GBE1: variants seen among roughly 807,000 people sequenced by gnomAD.
GBE1 encodes 1,4-alpha-glucan branching enzyme 1.
GBE1 carries 70 observed loss-of-function variants against 88.8 expected under a neutral mutation model. That is an observed-to-expected ratio of 0.79 (90% CI 0.65 to 0.96). The LOEUF is 0.96. Among genes scored for constraint, GBE1 ranks in the 40% least tolerant of loss-of-function variants. GBE1 has a pLI of 0.00. For missense variants in GBE1, 872 were observed against 871.0 expected (o/e 1.00, Z -0.01); for synonymous variants, 284 against 300.1 (o/e 0.95, Z 0.56).
At chr3:81,642,115 A>G (rs1313766206) in intron 7 of GBE1, among the ~76,000 whole-genome samples, 3 of 151,886 alleles carry the variant, frequency 2.0e-5, no homozygotes, top group Non-Finnish European at 4.4e-5. Flanking sequence ...ATCACGTAAA[A>G]CACTCTTCTC....
intron 12 of GBE1, among the ~76,000 whole-genome samples, chr3:81,575,935 C>T (rs993937228): frequency 6.6e-6 from 1 of 152,214 alleles, no homozygotes; most frequent in Non-Finnish European, 1.5e-5. Context: ...GTATAAGGTT[C>T]CTCATCAGCC....
chr3:81,634,526 G>A (rs1444808297), intron 7 of GBE1, among the ~76,000 whole-genome samples: 14 of 152,052 alleles, frequency 9.2e-5, no homozygotes, highest in Admixed American at 8.5e-4. Context: ...CAGTACTAAC[G>A]AACAGGAATC....
intron 1 of GBE1, among the ~76,000 whole-genome samples, chr3:81,741,009 A>G (rs747857805): frequency 1.3e-5 from 2 of 152,206 alleles, no homozygotes; most frequent in African/African-American, 2.4e-5. Context: ...AACATAAGTC[A>G]TACAGCACCA....
intron 12 of GBE1, among the ~76,000 whole-genome samples, chr3:81,563,336 A>C (rs910956366): frequency 6.6e-6 from 1 of 152,184 alleles, no homozygotes; most frequent in Non-Finnish European, 1.5e-5. Flanking sequence ...AGATGATTTA[A>C]GAATTAACAA....
At chr3:81,585,957 T>TAAAAAG in intron 10 of GBE1, 135 bp downstream of exon 10, 1 of 538,442 alleles carries the variant, frequency 1.9e-6, no homozygotes, top group South Asian at 3.0e-5. Context: ...AGCATAAGAA[T>TAAAAAG]CGACAGACTA....
intron 1 of GBE1, among the ~76,000 whole-genome samples, chr3:81,755,957 G>C (rs1706596472): frequency 6.6e-6 from 1 of 151,956 alleles, no homozygotes; most frequent in South Asian, 2.1e-4. Context: ...TAATTTCTTG[G>C]AGTGGTTGCT....
intron 2 of GBE1, among the ~76,000 whole-genome samples, chr3:81,687,183 T>C (rs1471493933): frequency 6.6e-6 from 1 of 152,158 alleles, no homozygotes; most frequent in Non-Finnish European, 1.5e-5. Flanking sequence ...TCTAGAAATC[T>C]GACAGAGAAA....
intron 12 of GBE1, among the ~76,000 whole-genome samples, chr3:81,541,871 C>A (rs1029002704): frequency 1.3e-5 from 2 of 152,070 alleles, no homozygotes; most frequent in African/African-American, 4.8e-5. Context: ...GAAGCATATA[C>A]GATACATAGT....
chr3:81,601,036 C>T (rs1449397661), intron 7 of GBE1, among the ~76,000 whole-genome samples: 2 of 151,968 alleles, frequency 1.3e-5, no homozygotes, highest in African/African-American at 4.8e-5. Context: ...ACTAGCTTTG[C>T]TAAATAATAT....
Position 81,606,838 on chromosome 3 carries a change from T to C in GBE1, c.993-12815A>G, listed in dbSNP as rs146513808. 7.9e-5 allele frequency among the ~76,000 whole-genome samples: 12 copies of C among 152,350 alleles called. No homozygotes were observed. The East Asian group carries it at 2.3e-3, about 29-fold the overall frequency. On this transcript the variant is annotated intron_variant, in intron 7 of 15. Transcript: ENST00000429644. Reference sequence around the variant, plus strand: ...GATCATTTCGTGGTTTATTATTATTTACTTTAAGTTATGTGCTATTATGTA... The same window carrying C: ...GATCATTTCGTGGTTTATTATTATTCACTTTAAGTTATGTGCTATTATGTA...
chr3:81,696,672 C>T (rs1463844851), intron 2 of GBE1, among the ~76,000 whole-genome samples: 1 of 152,006 alleles, frequency 6.6e-6, no homozygotes, highest in African/African-American at 2.4e-5. Context: ...AAGACAACTG[C>T]TAAAGAACAA....
At chr3:81,622,850 G>A (rs1337090438) in intron 7 of GBE1, among the ~76,000 whole-genome samples, 1 of 151,924 alleles carries the variant, frequency 6.6e-6, no homozygotes, top group Non-Finnish European at 1.5e-5. Context: ...TTTTAAATCA[G>A]TTATACCTTC....
chr3:81,727,259 T>C (rs1706126283), intron 1 of GBE1, among the ~76,000 whole-genome samples: 1 of 152,176 alleles, frequency 6.6e-6, no homozygotes, highest in African/African-American at 2.4e-5. Flanking sequence ...TAAAACTTCC[T>C]AAAAGGGATC....
chr3:81,644,996 C>T (rs1704744489), intron 6 of GBE1, among the ~76,000 whole-genome samples: 1 of 152,000 alleles, frequency 6.6e-6, no homozygotes, highest in Non-Finnish European at 1.5e-5. Context: ...GAGAAGATGG[C>T]AGGGGGAGGA....
intron 12 of GBE1, among the ~76,000 whole-genome samples, chr3:81,572,061 C>T (rs979821776): frequency 6.6e-6 from 1 of 152,096 alleles, no homozygotes; most frequent in African/African-American, 2.4e-5. Context: ...GGGCAGTTTC[C>T]CCCATGCTGT....
intron 14 of GBE1, among the ~76,000 whole-genome samples, chr3:81,531,486 C>T (rs1024979284): frequency 2.0e-5 from 3 of 151,986 alleles, no homozygotes; most frequent in African/African-American, 7.2e-5. Flanking sequence ...GTGGCAATTG[C>T]TACTTGGCTA....
At chr3:81,545,607 C>G (rs1209693479) in intron 12 of GBE1, among the ~76,000 whole-genome samples, 4 of 125,224 alleles carry the variant, frequency 3.2e-5, no homozygotes, top group African/African-American at 1.5e-4. Context: ...TTGTTGATAT[C>G]AAGCATATGT....
Position 81,594,010 on chromosome 3 carries a change from T to G in GBE1, c.1006A>C (p.Arg336=). The change falls in exon 8 of 16, where the codon AGA becomes CGA. Residue 336 remains arginine (R), a synonymous_variant. Transcript: ENST00000429644. The part of the protein sequence containing the change: ...LFAYSSWEIL[R]FLLSNIRWWL... Reference sequence around the variant, plus strand: ...CATCTTATGTTTGACAGAAGGAATCTTAAAATTTCCCAGCTAAAATATAAG... The same window carrying G: ...CATCTTATGTTTGACAGAAGGAATCGTAAAATTTCCCAGCTAAAATATAAG... The G allele has an allele frequency of 6.6e-7, 1 of 1,522,672 alleles. No individual in the cohort carries two copies. The highest frequency in any genetic ancestry group is 1.4e-5 in the African/African-American group (1 of 73,030). The allele number at this position is 1,522,672 out of a possible 1,614,324, so 94.3% of individuals were successfully genotyped here.
intron 7 of GBE1, among the ~76,000 whole-genome samples, chr3:81,634,095 T>C (rs1164351222): frequency 6.6e-6 from 1 of 152,180 alleles, no homozygotes; most frequent in East Asian, 1.9e-4. Flanking sequence ...GGAGATCCGT[T>C]TGCCAGGTTG....
Sources: gnomAD v4.1 joint callset for allele counts (sites outside exome capture counted in the v4.1 genomes callset) on GRCh38, gnomAD v4.1.1 for gene constraint, MANE v1.5 for transcripts, NCBI Gene and HGNC (gene_info 2026-07-23, HGNC 2026-07-21) for gene names.